Variants in ANKRD44 observed in about 807,000 individuals in gnomAD.
ANKRD44 encodes the protein serine/threonine-protein phosphatase 6 regulatory ankyrin repeat subunit B.
In ANKRD44, 35 loss-of-function variants were observed where a neutral mutation model predicts 116.0. The ratio of observed to expected loss-of-function variants is 0.30; its 90% CI spans 0.23 to 0.40. The LOEUF is 0.40. Among genes scored for constraint, ANKRD44 ranks in the 10% least tolerant of loss-of-function variants. The pLI is 1.00. For synonymous variants in ANKRD44, 435 were observed against 461.8 expected (o/e 0.94, Z 0.74); for missense variants, 1,014 against 1,242.6 (o/e 0.82, Z 2.77).
chr2:196,983,996 A>G (rs778938908), downstream of ANKRD44, among the ~76,000 whole-genome samples: 4 of 152,216 alleles, frequency 2.6e-5, no homozygotes, highest in Non-Finnish European at 4.4e-5. Flanking sequence ...ATACATAACC[A>G]GGGCACATGT....
intron 27 of ANKRD44, among the ~76,000 whole-genome samples, chr2:196,992,270 T>G (rs1472354709): frequency 1.3e-5 from 2 of 152,294 alleles, no homozygotes; most frequent in South Asian, 2.1e-4. Flanking sequence ...CTCCCCACCC[T>G]GCCCTTTAGG....
chr2:197,125,347 T>C (rs2078951062), intron 6 of ANKRD44, 34 bp downstream of exon 6: 9 of 1,580,838 alleles, frequency 5.7e-6, no homozygotes, highest in African/African-American at 1.3e-5. Flanking sequence ...GTTAAGGTTA[T>C]CTGTACTTTG....
chr2:197,250,082 C>T (rs1431530129), intron 1 of ANKRD44, among the ~76,000 whole-genome samples: 1 of 152,200 alleles, frequency 6.6e-6, no homozygotes, highest in African/African-American at 2.4e-5. Context: ...TCTCTCTTAA[C>T]AAAATCTCTA....
At chr2:197,264,719 A>G (rs2082697102) in intron 1 of ANKRD44, among the ~76,000 whole-genome samples, 1 of 152,150 alleles carries the variant, frequency 6.6e-6, no homozygotes, top group African/African-American at 2.4e-5. Flanking sequence ...CCTGGGCACT[A>G]GAATCCTTCA....
At chr2:197,147,754 G>A (rs1255796648) in intron 2 of ANKRD44, 1 of 368,512 alleles carries the variant, frequency 2.7e-6, no homozygotes, top group African/African-American at 2.1e-5. Context: ...TAGTATACTA[G>A]ATACACATGA....
chr2:197,236,984 TAGG>T (rs1286874538), intron 1 of ANKRD44, among the ~76,000 whole-genome samples: 1 of 152,020 alleles, frequency 6.6e-6, no homozygotes, highest in African/African-American at 2.4e-5. Context: ...GTCAAGAAAA[TAGG>T]AGGAACAAAG....
chr2:197,255,314 T>C (rs1410623833), intron 1 of ANKRD44, among the ~76,000 whole-genome samples: 1 of 152,082 alleles, frequency 6.6e-6, no homozygotes, highest in Non-Finnish European at 1.5e-5. Context: ...GCTTCCTGAG[T>C]AGTCACCTCA....
intron 24 of ANKRD44, 24 bp from the exon 25 acceptor site, chr2:196,998,443 G>T: frequency 2.5e-6 from 4 of 1,582,180 alleles, no homozygotes; most frequent in East Asian, 2.2e-5. Flanking sequence ...CCAAAAGAGG[G>T]TTACTTAGAT....
At chr2:197,184,091 C>A (rs2080587280) in intron 2 of ANKRD44, among the ~76,000 whole-genome samples, 2 of 152,176 alleles carry the variant, frequency 1.3e-5, no homozygotes, top group African/African-American at 2.4e-5. Context: ...AGCACACAGT[C>A]TCAACTCAAT....
Position 197,023,458 on chromosome 2 carries a change from G to A in ANKRD44, c.1722+1738C>T, listed in dbSNP as rs548428718. Among the ~76,000 whole-genome samples the A allele has an allele frequency of 1.4e-4, 21 of 152,200 alleles. No individual in the cohort carries two copies. The East Asian group carries it at 4.1e-3, about 29-fold the overall frequency. On this transcript the variant is annotated intron_variant, in intron 17 of 27. Transcript: ENST00000282272. Reference sequence around the variant, plus strand: ...TACCTTTCCTGGGTCTCTGTCAGCTGCAGAACTACCAAAGCCCACCTCTTT... The same window carrying A: ...TACCTTTCCTGGGTCTCTGTCAGCTACAGAACTACCAAAGCCCACCTCTTT...
intron 3 of ANKRD44, among the ~76,000 whole-genome samples, chr2:197,142,757 C>T (rs963813219): frequency 6.6e-6 from 1 of 152,100 alleles, no homozygotes; most frequent in African/African-American, 2.4e-5. Context: ...GATGTGCCCC[C>T]AGCTCTGGAA....
intron 1 of ANKRD44, among the ~76,000 whole-genome samples, chr2:197,188,807 G>A (rs147967352): frequency 8.5e-5 from 13 of 152,224 alleles, no homozygotes; most frequent in African/African-American, 3.1e-4. Flanking sequence ...TCGATTAGAT[G>A]ACAGCAGTTT....
At chr2:197,032,390 C>CT (rs71012944) in intron 16 of ANKRD44, among the ~76,000 whole-genome samples, 93,144 of 140,766 alleles carry the variant, frequency 0.66, 33,959 homozygotes, top group East Asian at 0.96. Context: ...GGAAGTGTCA[C>CT]TTTTTTTTTT....
At chr2:197,136,988 C>T (rs925401569) in intron 3 of ANKRD44, among the ~76,000 whole-genome samples, 1 of 152,154 alleles carries the variant, frequency 6.6e-6, no homozygotes, top group African/African-American at 2.4e-5. Flanking sequence ...AAGCATGAGC[C>T]AAAACCAGCT....
At chr2:197,002,696 C>T (rs2076135011) in intron 21 of ANKRD44, among the ~76,000 whole-genome samples, 2 of 152,310 alleles carry the variant, frequency 1.3e-5, no homozygotes, top group Non-Finnish European at 2.9e-5. Context: ...GATGGTTCCC[C>T]AGCCTGACTA....
At chr2:197,001,680 C>G (rs2076118050) in intron 22 of ANKRD44, 73 bp downstream of exon 22, 22 of 1,213,304 alleles carry the variant, frequency 1.8e-5, no homozygotes, top group Non-Finnish European at 2.5e-5. Flanking sequence ...ACTTTTTTCC[C>G]TACAAAGCAA....
At chr2:197,003,667 C>T (rs1216160707) in intron 21 of ANKRD44, among the ~76,000 whole-genome samples, 2 of 152,118 alleles carry the variant, frequency 1.3e-5, no homozygotes, top group Admixed American at 1.3e-4. Context: ...AGGCTAGGAA[C>T]ACAGACACCT....
chr2:197,233,772 T>A (rs1243651075), intron 1 of ANKRD44, among the ~76,000 whole-genome samples: 1 of 152,260 alleles, frequency 6.6e-6, no homozygotes, highest in Non-Finnish European at 1.5e-5. Flanking sequence ...TCAACTGTTC[T>A]AGCAGTTTTC....
At chr2:197,205,521 C>T (rs532501963) in intron 1 of ANKRD44, among the ~76,000 whole-genome samples, 2 of 152,270 alleles carry the variant, frequency 1.3e-5, no homozygotes, top group African/African-American at 4.8e-5. Flanking sequence ...GGGGATGGCC[C>T]AAGGTGACTG....
Sources: allele counts gnomAD v4.1 joint callset (sites outside exome capture counted in the v4.1 genomes callset), GRCh38; gene constraint gnomAD v4.1.1; transcripts MANE v1.5; gene names NCBI Gene and HGNC (gene_info 2026-07-23, HGNC 2026-07-21).